LPIN2: variants seen among roughly 807,000 people sequenced by gnomAD.
The protein encoded by LPIN2 is lipin 2.
A neutral mutation model predicts 111.4 loss-of-function variants in LPIN2; 55 were observed. That is an observed-to-expected ratio of 0.49 (90% confidence interval 0.40 to 0.62). LPIN2 has a LOEUF of 0.62. Ranked by LOEUF, LPIN2 falls within the 20% of genes least tolerant of loss-of-function variation. The probability of loss-of-function intolerance (pLI) is 0.00; values close to 1 mark genes in which losing one functional copy is unlikely to be tolerated. For synonymous variants in LPIN2, 425 were observed against 414.0 expected, an observed-to-expected ratio of 1.03 and a Z score of -0.32; for missense variants, 992 against 1,112.1, an observed-to-expected ratio of 0.89 and a Z score of 1.54.
chr18:2,996,954 A>G (rs2078354172), intron 1 of LPIN2, among the ~76,000 whole-genome samples: 1 of 151,378 alleles, frequency 6.6e-6, no homozygotes, highest in Non-Finnish European at 1.5e-5. Flanking sequence ...CACATCATAA[A>G]TATGTACATT....
chr18:2,922,146 A>T lies in LPIN2; in HGVS notation c.2228T>A (p.Met743Lys). 1 of 1,613,978 alleles carries T rather than the reference A, an allele frequency of 6.2e-7. No individual in the cohort carries two copies. The highest frequency in any genetic ancestry group is 1.6e-4 in the Middle Eastern group (1 of 6,062). ...GACCCAGTGCAGGTAGCCACGGGTC[A>T]TGTCGGCCATGCCGATGGCACGAGC... is the stretch of plus-strand genomic sequence containing the variant. ...CSARAIGMADMTRGYLHWVND... is the reference protein window; with the variant it reads ...CSARAIGMADKTRGYLHWVND... The change falls in exon 17 of 20, where the codon ATG becomes AAG. Residue 743 changes from methionine (M) to lysine (K), a missense_variant. By Grantham distance (95) the Met-to-Lys change is moderately conservative. Around this residue, in one of 4 missense-constraint regions of LPIN2, gnomAD observed 31 missense variants for 60.3 expected, o/e 0.51. Transcript: ENST00000677752.
In LPIN2 at chr18:2,921,579, G is replaced by C; in HGVS notation, c.2396C>G (p.Ala799Gly). The change falls in exon 18 of 20, where the codon GCC becomes GGC. Residue 799 changes from alanine (A) to glycine (G), a missense_variant. Around this residue, in one of 4 missense-constraint regions of LPIN2, gnomAD observed 185 missense variants for 186.5 expected, o/e 0.99. Transcript: ENST00000677752. ...ECLNDIKNLF[A>G]PSKQPFYAAF... ...AGCATAGAAGGGCTGCTTAGACGGGGCAAACAGATTCTTGATATCATTTAG... is the reference window on the plus strand; with the variant it reads ...AGCATAGAAGGGCTGCTTAGACGGGCCAAACAGATTCTTGATATCATTTAG... 1 of 1,614,092 alleles carries C rather than the reference G, an allele frequency of 6.2e-7. No individual in the cohort carries two copies. The highest frequency in any genetic ancestry group is 8.5e-7 in the Non-Finnish European group (1 of 1,179,984).
At chr18:2,930,649 G>T (rs1174121391) in intron 9 of LPIN2, among the ~76,000 whole-genome samples, 1 of 152,102 alleles carries the variant, frequency 6.6e-6, no homozygotes. Context: ...TAAAAGGAAG[G>T]TTAAAAAAAA....
At chr18:2,961,592 C>T (rs1208554894) in intron 1 of LPIN2, among the ~76,000 whole-genome samples, 1 of 152,162 alleles carries the variant, frequency 6.6e-6, no homozygotes, top group African/African-American at 2.4e-5. Flanking sequence ...AGGAGTTCTC[C>T]AGAAAGGCTC....
rs2076982782 is a variant in LPIN2, at chr18:2,917,211, A to G, written c.*3082T>C. 1 of 152,228 alleles carries G rather than the reference A, an allele frequency of 6.6e-6. No individual in the cohort carries two copies. The highest frequency in any genetic ancestry group is 2.1e-4 in the South Asian group (1 of 4,824). 9.4% of individuals were successfully genotyped at this position (152,228 alleles called of 1,614,324 possible). The stretch of plus-strand genomic sequence containing the variant: ...TCATCATAGGCTGAACATAATTATT[A>G]AAAGAGCAAAGTTTCCCCTCCCTTT... On this transcript the variant is annotated 3_prime_UTR_variant, in exon 20 of 20. Coordinates refer to ENST00000677752, the MANE Select transcript of LPIN2 (RefSeq NM_001375808.2).
rs1364106067 is a variant in LPIN2 at position 2,945,595 on chromosome 18, A to G, written c.591-4883T>C. On this transcript the variant is annotated intron_variant, in intron 4 of 19. Coordinates refer to ENST00000677752, the MANE Select transcript of LPIN2 (RefSeq NM_001375808.2). ...TTTTTCCTGCTTTTTAGCTGCAGGC[A>G]GTTCAAGGCTTGCCCACTGCATCGG... 3 of 1,526,748 alleles carry G rather than the reference A, an allele frequency of 2.0e-6. No individual in the cohort carries two copies. In the East Asian group the frequency reaches 6.7e-5, roughly 34 times the overall value. 94.6% of individuals were successfully genotyped at this position (1,526,748 alleles called of 1,614,324 possible). A position where few individuals can be genotyped will look rare whatever the true frequency, so the allele number is the denominator to read the frequency against.
intron 2 of LPIN2, among the ~76,000 whole-genome samples, chr18:2,957,920 G>A (rs1026354786): frequency 1.3e-5 from 2 of 151,944 alleles, no homozygotes; most frequent in Admixed American, 6.5e-5. Context: ...GGAGGCCAAG[G>A]CGGGTGGATT....
chr18:2,926,770 C>T lies in LPIN2; in HGVS notation c.1746G>A (p.Pro582=), dbSNP rs756661200. 8.1e-6 allele frequency: 13 copies of T among 1,613,162 alleles called. No individual in the cohort carries two copies. Among genetic ancestry groups the T allele is most frequent in the Admixed American group, 6.7e-5 (4 of 59,978 alleles). Residue 582 remains proline, a synonymous_variant, in exon 13 of 20, where the codon CCG becomes CCA. Transcript: ENST00000677752. ...PESKEGKSEA[P]PASDLPSSSK... is the part of the protein sequence containing the mutation. ...AGCTGGATGGCAGGTCACTGGCTGG[C>T]GGTGCCTCAGATTTTCCCTCCTTGG...
chr18:2,969,107 G>A (rs1274189664), intron 1 of LPIN2, among the ~76,000 whole-genome samples: 2 of 152,186 alleles, frequency 1.3e-5, no homozygotes, highest in Non-Finnish European at 2.9e-5. Flanking sequence ...TCAAAAGTTT[G>A]TGTACATGAA....
chr18:2,920,864 T>G lies in LPIN2; in HGVS notation c.2460A>C (p.Thr820=). Residue 820 remains threonine (T), a synonymous_variant, in exon 19 of 20, where the codon ACA becomes ACC. Coordinates refer to ENST00000677752, the MANE Select transcript of LPIN2 (RefSeq NM_001375808.2). ...GNRPNDVYAY[T]QVGVPDCRIF... is the part of the protein sequence containing the mutation. The stretch of plus-strand genomic sequence containing the variant: ...TTCTACAGTCTGGAACTCCAACTTG[T>G]GTGTAGGCATAGACATCCTGCAGAA... 1.2e-6 allele frequency: 2 copies of G among 1,613,230 alleles called. No individual in the cohort carries two copies. The highest frequency in any genetic ancestry group is 1.1e-5 in the South Asian group (1 of 91,064).
In LPIN2 at chr18:2,924,535, C is replaced by A; in HGVS notation, c.1950G>T (p.Lys650Asn). ...CAACATCATTTGGGCCATCGTGGAG[C>A]TTCAGTTTTGCCTTTTAAAAAAGCA... Reference protein sequence around the residue: ...RLSSDQIAKLKLHDGPNDVVF... With the variant: ...RLSSDQIAKLNLHDGPNDVVF... Residue 650 changes from lysine to asparagine, a missense_variant, in exon 15 of 20, where the codon AAG (lysine) becomes AAT (asparagine). By Grantham distance (94) the Lys-to-Asn change is moderately conservative. This residue lies in a region of LPIN2 where 709 missense variants were observed against 753.2 expected (regional missense o/e 0.94). Transcript: ENST00000677752. 1 of 1,614,202 alleles carries A rather than the reference C, an allele frequency of 6.2e-7. No homozygotes were observed. Among genetic ancestry groups the A allele is most frequent in the Non-Finnish European group, 8.5e-7 (1 of 1,180,030 alleles).
intron 1 of LPIN2, among the ~76,000 whole-genome samples, chr18:3,002,173 T>C (rs771649634): frequency 1.4e-5 from 2 of 147,872 alleles, no homozygotes; most frequent in Non-Finnish European, 3.0e-5. Flanking sequence ...TCCATTTCCA[T>C]TTGATGACAA....
At chr18:2,928,921 C>T in intron 10 of LPIN2, 144 bp downstream of exon 10, 2 of 678,860 alleles carry the variant, frequency 2.9e-6, no homozygotes, top group Non-Finnish European at 5.2e-6. Context: ...GCTTTACTTT[C>T]ACTTCAAAGT....
At chr18:2,921,692 T>TAAA (rs763285628) in intron 17 of LPIN2, 45 bp from the exon 18 acceptor site, 2 of 1,377,764 alleles carry the variant, frequency 1.5e-6, no homozygotes, top group South Asian at 2.3e-5. Flanking sequence ...AAAATGGTCG[T>TAAA]TTTCCCCAGT....
At chr18:2,979,976 C>T (rs578059665) in intron 1 of LPIN2, among the ~76,000 whole-genome samples, 24 of 152,304 alleles carry the variant, frequency 1.6e-4, no homozygotes, top group African/African-American at 5.8e-4. Context: ...ACTTCTGCTG[C>T]GCTTAAGGAA....
At chr18:3,006,648 T>C (rs889935321) in intron 1 of LPIN2, among the ~76,000 whole-genome samples, 1 of 152,152 alleles carries the variant, frequency 6.6e-6, no homozygotes, top group African/African-American at 2.4e-5. Flanking sequence ...CCACCCTGGC[T>C]AACACGGTGA....
chr18:2,964,661 C>T (rs1485086816), intron 1 of LPIN2, among the ~76,000 whole-genome samples: 1 of 152,222 alleles, frequency 6.6e-6, no homozygotes, highest in Non-Finnish European at 1.5e-5. Flanking sequence ...TATTCTGCTG[C>T]AGTACCCCAA....
At chr18:2,945,489 A>G in intron 4 of LPIN2, 1 of 871,702 alleles carries the variant, frequency 1.1e-6, no homozygotes, top group South Asian at 1.4e-5. Context: ...GCAAGCCACC[A>G]CTTCACACAG....
In LPIN2 at chr18:2,921,403, C is replaced by A. The variant is rs773208297; in HGVS notation, c.2442+130G>T. ...TATTTGGAATAGATCAAGTGAAAAC[C>A]GAACAAGCAGAACAGATGCCTCATT... On this transcript the variant is annotated intron_variant, in intron 18 of 19. Coordinates refer to ENST00000677752, the MANE Select transcript of LPIN2 (RefSeq NM_001375808.2). The A allele has an allele frequency of 1.3e-5, 10 of 750,346 alleles. No individual in the cohort carries two copies. In the African/African-American group the frequency reaches 1.6e-4, roughly 12 times the overall value. The allele number at this position is 750,346 out of a possible 1,614,324, so 46.5% of individuals were successfully genotyped here. A position where few individuals can be genotyped will look rare whatever the true frequency, so the allele number is the denominator to read the frequency against.
Sources: allele counts gnomAD v4.1 joint callset (sites outside exome capture counted in the v4.1 genomes callset), GRCh38; gene constraint gnomAD v4.1.1; regional missense constraint gnomAD v4.1.1; transcripts MANE v1.5; gene names NCBI Gene and HGNC (gene_info 2026-07-23, HGNC 2026-07-21).